Variants in NFIA observed in about 807,000 individuals in gnomAD.
NFIA encodes the protein nuclear factor I A.
A neutral mutation model predicts 62.8 loss-of-function variants in NFIA; 8 were observed. The ratio of observed to expected loss-of-function variants is 0.13; its 90% CI spans 0.07 to 0.23. NFIA has a LOEUF of 0.23. NFIA is among the 10% of genes least tolerant of loss of function. The pLI, the probability that NFIA is intolerant of heterozygous loss-of-function variation, is 1.00. For synonymous variants in NFIA, 235 were observed against 238.1 expected, an observed-to-expected ratio of 0.99 and a Z score of 0.12; for missense variants, 410 against 642.1, an observed-to-expected ratio of 0.64 and a Z score of 3.91.
intron 2 of NFIA, among the ~76,000 whole-genome samples, chr1:61,133,281 T>TC (rs1557588304): frequency 6.6e-6 from 1 of 151,594 alleles, no homozygotes. Context: ...TTTTTTTTTT[T>TC]CTCTGTTGAC....
intron 2 of NFIA, among the ~76,000 whole-genome samples, chr1:61,172,387 C>T (rs1163398966): frequency 6.6e-6 from 1 of 152,078 alleles, no homozygotes; most frequent in Non-Finnish European, 1.5e-5. Flanking sequence ...TTAAAGCAGG[C>T]TGTATTTAGA....
chr1:61,255,368 G>T (rs1656314839), intron 2 of NFIA, among the ~76,000 whole-genome samples: 2 of 152,158 alleles, frequency 1.3e-5, no homozygotes, highest in African/African-American at 4.8e-5. Context: ...AATATGCAGT[G>T]ATTCTCTTGG....
intron 2 of NFIA, among the ~76,000 whole-genome samples, chr1:61,139,041 T>C (rs1472833392): frequency 6.6e-6 from 1 of 151,752 alleles, no homozygotes; most frequent in Non-Finnish European, 1.5e-5. Context: ...AATACAAAAA[T>C]TAACTGGGTG....
At chr1:61,170,257 C>T (rs1649863306) in intron 2 of NFIA, among the ~76,000 whole-genome samples, 1 of 152,208 alleles carries the variant, frequency 6.6e-6, no homozygotes, top group Non-Finnish European at 1.5e-5. Flanking sequence ...ATGAATCTCA[C>T]ACCTGTCTCC....
At chr1:61,446,471 G>C (rs1016467786) in intron 10 of NFIA, among the ~76,000 whole-genome samples, 2 of 152,140 alleles carry the variant, frequency 1.3e-5, no homozygotes, top group East Asian at 3.9e-4. Context: ...ACTAACTTGA[G>C]GGGTGGGAGG....
At chr1:61,279,584 T>C (rs1658012775) in intron 3 of NFIA, among the ~76,000 whole-genome samples, 1 of 152,200 alleles carries the variant, frequency 6.6e-6, no homozygotes. Context: ...TTGTGCATAA[T>C]CTCCCTAAAG....
At chr1:61,259,680 A>G (rs1403541938) in intron 2 of NFIA, among the ~76,000 whole-genome samples, 1 of 152,228 alleles carries the variant, frequency 6.6e-6, no homozygotes, top group Non-Finnish European at 1.5e-5. Context: ...CATGTGACTA[A>G]CAGAGATTGG....
intron 6 of NFIA, among the ~76,000 whole-genome samples, chr1:61,377,188 ACTCCAG>A (rs1664190715): frequency 6.6e-6 from 1 of 151,788 alleles, no homozygotes; most frequent in Non-Finnish European, 1.5e-5. Context: ...GCACCACTGC[ACTCCAG>A]CCTGGGTAAC....
intron 2 of NFIA, among the ~76,000 whole-genome samples, chr1:61,109,329 G>A (rs1646656366): frequency 6.6e-6 from 1 of 151,778 alleles, no homozygotes; most frequent in African/African-American, 2.4e-5. Context: ...CTCTACAGAT[G>A]GCAAATGGTA....
intron 2 of NFIA, among the ~76,000 whole-genome samples, chr1:61,219,962 A>AAAATAAAT (rs78141910): frequency 5.4e-4 from 82 of 151,492 alleles, no homozygotes; most frequent in Middle Eastern, 3.4e-3. Flanking sequence ...ACTCCGTCTC[A>AAAATAAAT]AAATAAATAA....
At chr1:61,277,439 C>T (rs1657872569) in intron 2 of NFIA, 81 bp from the exon 3 acceptor site, 5 of 1,313,248 alleles carry the variant, frequency 3.8e-6, no homozygotes, top group Non-Finnish European at 5.5e-6. Flanking sequence ...ATAGGTTGAA[C>T]CTTTTGAGAA....
At chr1:61,314,103 G>T (rs1660249060) in intron 3 of NFIA, among the ~76,000 whole-genome samples, 1 of 152,132 alleles carries the variant, frequency 6.6e-6, no homozygotes, top group African/African-American at 2.4e-5. Flanking sequence ...CAAAAAAACT[G>T]TGTCACTTTC....
At chr1:61,282,603 G>A (rs1264074302) in intron 3 of NFIA, among the ~76,000 whole-genome samples, 2 of 152,070 alleles carry the variant, frequency 1.3e-5, no homozygotes, top group Non-Finnish European at 2.9e-5. Context: ...CTTCTGTAGG[G>A]CTGCACTGAG....
intron 7 of NFIA, among the ~76,000 whole-genome samples, chr1:61,391,640 C>A (rs1557752522): frequency 1.3e-5 from 2 of 152,134 alleles, no homozygotes; most frequent in African/African-American, 4.8e-5. Flanking sequence ...AGAATATTTC[C>A]TGTGGCATTT....
At chr1:61,146,272 G>A (rs1295951186) in intron 2 of NFIA, among the ~76,000 whole-genome samples, 1 of 152,082 alleles carries the variant, frequency 6.6e-6, no homozygotes, top group African/African-American at 2.4e-5. Flanking sequence ...TCTTCAACTT[G>A]ATCACAGCTG....
At chr1:61,237,125 T>C (rs1655058390) in intron 2 of NFIA, among the ~76,000 whole-genome samples, 2 of 152,164 alleles carry the variant, frequency 1.3e-5, no homozygotes, top group South Asian at 4.1e-4. Flanking sequence ...TCCACCACCA[T>C]GTTGAATGAA....
intron 2 of NFIA, among the ~76,000 whole-genome samples, chr1:61,190,135 C>T (rs1651518843): frequency 1.3e-5 from 2 of 152,196 alleles, no homozygotes; most frequent in South Asian, 2.1e-4. Context: ...TTAATCCTCA[C>T]ACTACCTCTT....
At chr1:61,136,106 C>A (rs1017455281) in intron 2 of NFIA, among the ~76,000 whole-genome samples, 3 of 152,190 alleles carry the variant, frequency 2.0e-5, no homozygotes, top group African/African-American at 7.2e-5. Flanking sequence ...GAAACCTGAT[C>A]TTACTTATGT....
At chr1:61,112,354 A>G (rs1191422976) in intron 2 of NFIA, among the ~76,000 whole-genome samples, 1 of 152,152 alleles carries the variant, frequency 6.6e-6, no homozygotes, top group Non-Finnish European at 1.5e-5. Context: ...GTACAGTATC[A>G]TTTATATGTA....
Sources: gnomAD v4.1 joint callset for allele counts (sites outside exome capture counted in the v4.1 genomes callset) on GRCh38, gnomAD v4.1.1 for gene constraint, MANE v1.5 for transcripts, NCBI Gene and HGNC (gene_info 2026-07-23, HGNC 2026-07-21) for gene names.